The following PBRM1 variants were observed in gnomAD, a reference collection of about 807,000 sequenced individuals.
PBRM1 encodes polybromo 1.
In PBRM1, 27 loss-of-function variants were observed where a neutral mutation model predicts 194.5. That is an observed-to-expected ratio of 0.14 (90% CI 0.10 to 0.19). PBRM1 has a LOEUF of 0.19. PBRM1 is among the 10% of genes least tolerant of loss of function. The pLI, the probability that PBRM1 is intolerant of heterozygous loss-of-function variation, is 1.00. For missense variants in PBRM1, 1,466 were observed against 2,077.2 expected, an observed-to-expected ratio of 0.71 and a Z score of 5.72; for synonymous variants, 655 against 693.2, an observed-to-expected ratio of 0.94 and a Z score of 0.87.
intron 16 of PBRM1, among the ~76,000 whole-genome samples, chr3:52,608,724 A>G (rs1035001320): frequency 2.0e-5 from 3 of 152,026 alleles, no homozygotes; most frequent in Non-Finnish European, 2.9e-5. Context: ...TGCTATTGAC[A>G]TGTAGCAACG....
At chr3:52,580,374 T>C (rs965716082) in intron 20 of PBRM1, among the ~76,000 whole-genome samples, 3 of 152,162 alleles carry the variant, frequency 2.0e-5, no homozygotes, top group Admixed American at 6.6e-5. Flanking sequence ...TTGTTGTTTT[T>C]TTGAGACATA....
chr3:52,625,963 C>T (rs922896022), intron 13 of PBRM1, among the ~76,000 whole-genome samples: 14 of 152,160 alleles, frequency 9.2e-5, no homozygotes, highest in African/African-American at 3.4e-4. Context: ...GCTAATGCTT[C>T]GTTGGAACTG....
At chr3:52,653,178 C>G (rs779257740) in intron 5 of PBRM1, among the ~76,000 whole-genome samples, 6 of 152,146 alleles carry the variant, frequency 3.9e-5, no homozygotes, top group Non-Finnish European at 8.8e-5. Context: ...TCATAAGGAT[C>G]TGTAAGAAGT....
At chr3:52,600,133 T>C (rs1454086988) in intron 17 of PBRM1, among the ~76,000 whole-genome samples, 1 of 152,210 alleles carries the variant, frequency 6.6e-6, no homozygotes, top group Admixed American at 6.5e-5. Context: ...AACCATCCTT[T>C]CTATGTGTTG....
chr3:52,593,369 T>A (rs1417657399), intron 17 of PBRM1, among the ~76,000 whole-genome samples: 1 of 152,178 alleles, frequency 6.6e-6, no homozygotes, highest in African/African-American at 2.4e-5. Context: ...TCCGAATAGC[T>A]GGGACTACAG....
At chr3:52,597,577 GT>G (rs141638571) in intron 17 of PBRM1, among the ~76,000 whole-genome samples, 2 of 151,222 alleles carry the variant, frequency 1.3e-5, no homozygotes, top group African/African-American at 4.9e-5. Flanking sequence ...ATTTTTTTTT[GT>G]TTTTTTACAG....
chr3:52,575,493 C>CT (rs1160187649), intron 22 of PBRM1, among the ~76,000 whole-genome samples: 1 of 145,958 alleles, frequency 6.9e-6, no homozygotes, highest in Non-Finnish European at 1.5e-5. Context: ...TAAACACATA[C>CT]TTTAAATCAA....
exon 10 of PBRM1, chr3:52,642,044 T>C: frequency 6.7e-7 from 1 of 1,483,022 alleles, no homozygotes; most frequent in Non-Finnish European, 9.3e-7. Flanking sequence ...GCTCTTTTAT[T>C]ACTACAAAAA....
At chr3:52,552,017 A>T (rs2081096481) in intron 27 of PBRM1, 1 of 152,228 alleles carries the variant, frequency 6.6e-6, no homozygotes, top group South Asian at 2.1e-4. Context: ...AATAACAAGT[A>T]AAAAAGCTTC....
At chr3:52,593,948 G>C (rs1340918204) in intron 17 of PBRM1, among the ~76,000 whole-genome samples, 1 of 152,160 alleles carries the variant, frequency 6.6e-6, no homozygotes, top group Non-Finnish European at 1.5e-5. Context: ...AGGTACATTT[G>C]GCCCAGTGTT....
chr3:52,607,265 C>T (rs146314545), intron 16 of PBRM1, among the ~76,000 whole-genome samples: 2 of 152,158 alleles, frequency 1.3e-5, no homozygotes, highest in African/African-American at 4.8e-5. Flanking sequence ...AATGGCTCCC[C>T]GTATGTTTTT....
chr3:52,584,353 C>T (rs192395546), intron 20 of PBRM1, among the ~76,000 whole-genome samples: 1 of 149,702 alleles, frequency 6.7e-6, no homozygotes, highest in South Asian at 2.1e-4. Context: ...GAAGACTATT[C>T]ATTTACATAT....
At chr3:52,572,379 CT>C (rs1046276518) in intron 22 of PBRM1, among the ~76,000 whole-genome samples, 50 of 147,234 alleles carry the variant, frequency 3.4e-4, no homozygotes, top group Admixed American at 4.1e-4. Context: ...TGTTTAAGTT[CT>C]TTTTTTTTTT....
intron 3 of PBRM1, among the ~76,000 whole-genome samples, chr3:52,664,911 C>T (rs775994597): frequency 3.3e-5 from 5 of 151,948 alleles, no homozygotes; most frequent in Non-Finnish European, 7.4e-5. Flanking sequence ...ATGAGAAACA[C>T]CAATCTAAGA....
At chr3:52,566,122 C>T (rs74686130) in intron 22 of PBRM1, among the ~76,000 whole-genome samples, 1,996 of 151,766 alleles carry the variant, frequency 0.013, 18 homozygotes, top group South Asian at 0.036. Flanking sequence ...CAAATCAAAA[C>T]GGCAATGTAA....
At chr3:52,675,387 C>T (rs151061215) in intron 2 of PBRM1, among the ~76,000 whole-genome samples, 50 of 152,284 alleles carry the variant, frequency 3.3e-4, no homozygotes, top group Non-Finnish European at 6.0e-4. Context: ...TACTCTGATA[C>T]CAAAGCCAGA....
In PBRM1 at chr3:52,660,974, T is replaced by A. The variant is rs551881774; in HGVS notation, c.528+1159A>T. On this transcript the variant is annotated intron_variant, in intron 4 of 29. Transcript: ENST00000296302. ...ACAATTTAGCTGTAGAAAAGAGTTG[T>A]GATCCCCTCTACTATTCTTTTTTCT... Among the ~76,000 whole-genome samples the A allele has an allele frequency of 1.1e-4, 17 of 152,374 alleles. No individual in the cohort carries two copies. The South Asian group carries it at 3.5e-3, about 32-fold the overall frequency.
At chr3:52,678,693 G>C in intron 1 of PBRM1, 96 bp from the exon 3 acceptor site, 1 of 700,034 alleles carries the variant, frequency 1.4e-6, no homozygotes, top group Non-Finnish European at 2.4e-6. Flanking sequence ...TAAAAGGCAA[G>C]TAGAGAAGAA....
At chr3:52,652,120 A>T (rs765414146) in intron 5 of PBRM1, among the ~76,000 whole-genome samples, 13 of 152,230 alleles carry the variant, frequency 8.5e-5, no homozygotes, top group Non-Finnish European at 1.6e-4. Context: ...GCGGTAGCTC[A>T]CGCCTGCAAT....
Sources: allele counts gnomAD v4.1 joint callset (sites outside exome capture counted in the v4.1 genomes callset), GRCh38; gene constraint gnomAD v4.1.1; transcripts MANE v1.5; gene names NCBI Gene and HGNC (gene_info 2026-07-23, HGNC 2026-07-21).